Variants in SRGAP3 observed in about 807,000 individuals in gnomAD.
SRGAP3 encodes SLIT-ROBO Rho GTPase-activating protein 3.
In SRGAP3, 39 loss-of-function variants were observed where a neutral mutation model predicts 121.1. That is an observed-to-expected ratio of 0.32 (90% CI 0.25 to 0.42). SRGAP3 has a LOEUF of 0.42. Among genes scored for constraint, SRGAP3 ranks in the 10% least tolerant of loss-of-function variants. The probability of loss-of-function intolerance (pLI) is 1.00; values close to 1 mark genes in which losing one functional copy is unlikely to be tolerated. For synonymous variants in SRGAP3, 601 were observed against 570.0 expected (o/e 1.05, Z -0.77); for missense variants, 1,213 against 1,470.6 (o/e 0.82, Z 2.86).
intron 19 of SRGAP3, among the ~76,000 whole-genome samples, chr3:8,993,561 G>A (rs766269589): frequency 6.6e-5 from 10 of 152,178 alleles, no homozygotes; most frequent in Non-Finnish European, 1.2e-4. Flanking sequence ...CTCCTTCCAC[G>A]GCCCTCTGCT....
At chr3:9,235,140 C>T (rs1451305124) in intron 1 of SRGAP3, among the ~76,000 whole-genome samples, 3 of 152,166 alleles carry the variant, frequency 2.0e-5, no homozygotes, top group Non-Finnish European at 4.4e-5. Flanking sequence ...ACCATTAAAA[C>T]GGACGTAGGA....
At chr3:9,057,081 TTTG>T (rs545785715) in intron 7 of SRGAP3, among the ~76,000 whole-genome samples, 154 of 152,238 alleles carry the variant, frequency 1.0e-3, no homozygotes, top group African/African-American at 3.3e-3. Flanking sequence ...TTGTTTGTTT[TTTG>T]TTGTTGTTGT....
intron 4 of SRGAP3, among the ~76,000 whole-genome samples, chr3:9,064,783 C>T (rs1308215410): frequency 1.3e-5 from 2 of 151,930 alleles, no homozygotes; most frequent in Non-Finnish European, 2.9e-5. Flanking sequence ...TTACCATCAC[C>T]ATCATCATCA....
At chr3:9,260,866 A>C (rs1298507649) in intron 3 of SRGAP3, among the ~76,000 whole-genome samples, 1 of 152,214 alleles carries the variant, frequency 6.6e-6, no homozygotes, top group Non-Finnish European at 1.5e-5. Context: ...GACAGACTGC[A>C]TCCTCAAGCG....
At chr3:9,186,412 T>C (rs965692539) in intron 1 of SRGAP3, among the ~76,000 whole-genome samples, 1 of 152,088 alleles carries the variant, frequency 6.6e-6, no homozygotes, top group Non-Finnish European at 1.5e-5. Flanking sequence ...AGAATAGGGG[T>C]TCTGTATTAT....
chr3:9,147,519 T>TG (rs1225154906), intron 1 of SRGAP3, among the ~76,000 whole-genome samples: 1 of 152,066 alleles, frequency 6.6e-6, no homozygotes, highest in Non-Finnish European at 1.5e-5. Context: ...GAGCCCAGAC[T>TG]GAAGGCTCCC....
At chr3:9,231,098 T>C (rs1953193549) in intron 1 of SRGAP3, among the ~76,000 whole-genome samples, 1 of 152,174 alleles carries the variant, frequency 6.6e-6, no homozygotes, top group Non-Finnish European at 1.5e-5. Context: ...GTCGAGCCAC[T>C]GGAAGTTTTC....
At chr3:9,017,085 C>A (rs571588225) in intron 14 of SRGAP3, among the ~76,000 whole-genome samples, 1 of 152,154 alleles carries the variant, frequency 6.6e-6, no homozygotes, top group Non-Finnish European at 1.5e-5. Flanking sequence ...TTGAATCAAA[C>A]ATTTCTCCAG....
Position 8,981,181 on chromosome 3 carries a change from G to T in SRGAP3, c.*4338C>A. ...CTCTCGGCTCCCCTGGGCAGCTTTG[G>T]ATATGTGGGGAATGTTCTATGTGGC... On this transcript the variant is annotated 3_prime_UTR_variant, in exon 22 of 22. Coordinates refer to ENST00000383836, the MANE Select transcript of SRGAP3 (RefSeq NM_014850.4). 1 of 233,186 alleles carries T rather than the reference G, an allele frequency of 4.3e-6. No individual in the cohort carries two copies. The highest frequency in any genetic ancestry group is 8.5e-6 in the Non-Finnish European group (1 of 117,998). The allele number at this position is 233,186 out of a possible 1,614,324, so 14.4% of individuals were successfully genotyped here. A position where few individuals can be genotyped will look rare whatever the true frequency, so the allele number is the denominator to read the frequency against.
chr3:9,146,836 A>T (rs748452363), intron 1 of SRGAP3, among the ~76,000 whole-genome samples: 5 of 152,194 alleles, frequency 3.3e-5, no homozygotes, highest in Non-Finnish European at 7.4e-5. Flanking sequence ...GGCAGGAAGC[A>T]GAGGTCAACC....
chr3:9,093,165 G>A (rs1003698143), intron 3 of SRGAP3, among the ~76,000 whole-genome samples: 12 of 152,096 alleles, frequency 7.9e-5, no homozygotes, highest in African/African-American at 2.9e-4. Context: ...ATGTTGTTAG[G>A]CTTATTTGTT....
chr3:9,006,475 G>T (rs1316747016), intron 18 of SRGAP3, among the ~76,000 whole-genome samples: 1 of 150,626 alleles, frequency 6.6e-6, no homozygotes, highest in African/African-American at 2.4e-5. Flanking sequence ...ATCAACTAAT[G>T]TCATTTTAAT....
At chr3:9,152,405 C>G (rs113228758) in intron 1 of SRGAP3, among the ~76,000 whole-genome samples, 35 of 152,094 alleles carry the variant, frequency 2.3e-4, no homozygotes, top group African/African-American at 5.3e-4. Context: ...CTCTCTGTGT[C>G]TCTCTCTCTC....
chr3:9,035,901 G>A (rs1944720737), intron 11 of SRGAP3: 1 of 152,902 alleles, frequency 6.5e-6, no homozygotes, highest in African/African-American at 2.4e-5. Context: ...GCTGTGTACT[G>A]CGTTGCATCT....
At chr3:9,042,144 A>C (rs1189701199) in intron 10 of SRGAP3, among the ~76,000 whole-genome samples, 1 of 151,878 alleles carries the variant, frequency 6.6e-6, no homozygotes, top group African/African-American at 2.4e-5. Context: ...AAGTGAGATT[A>C]ATTTTCATGA....
intron 1 of SRGAP3, among the ~76,000 whole-genome samples, chr3:9,209,094 T>C (rs996537816): frequency 6.6e-6 from 1 of 152,186 alleles, no homozygotes. Flanking sequence ...ACATATAACA[T>C]TCCTCAGGTT....
intron 2 of SRGAP3, among the ~76,000 whole-genome samples, chr3:9,111,959 A>G (rs1415938882): frequency 1.3e-5 from 2 of 152,200 alleles, no homozygotes; most frequent in Non-Finnish European, 2.9e-5. Flanking sequence ...AATAGCAATG[A>G]ACATTTCTGG....
At chr3:9,254,024 C>A (rs1954072511), upstream of SRGAP3, among the ~76,000 whole-genome samples, 2 of 152,144 alleles carry the variant, frequency 1.3e-5, no homozygotes, top group South Asian at 2.1e-4. Flanking sequence ...ACAATACTTA[C>A]AAAATTCTGC....
At chr3:9,234,641 G>T (rs904366144) in intron 1 of SRGAP3, among the ~76,000 whole-genome samples, 2 of 152,128 alleles carry the variant, frequency 1.3e-5, no homozygotes, top group Non-Finnish European at 2.9e-5. Flanking sequence ...TTGACAAATG[G>T]TTGGAAAACT....
Sources: gnomAD v4.1 joint callset for allele counts (sites outside exome capture counted in the v4.1 genomes callset) on GRCh38, gnomAD v4.1.1 for gene constraint, MANE v1.5 for transcripts, NCBI Gene and HGNC (gene_info 2026-07-23, HGNC 2026-07-21) for gene names.